GRM5: variants seen among roughly 807,000 people sequenced by gnomAD.
The protein encoded by GRM5 is metabotropic glutamate receptor 5.
In GRM5, 19 loss-of-function variants were observed where a neutral mutation model predicts 83.1. The ratio of observed to expected loss-of-function variants is 0.23; its 90% CI spans 0.16 to 0.34. GRM5 has a LOEUF of 0.34. Ranked by LOEUF, GRM5 falls within the 10% of genes least tolerant of loss-of-function variation. The pLI is 1.00. For synonymous variants in GRM5, 675 were observed against 633.6 expected, an observed-to-expected ratio of 1.07 and a Z score of -0.98; for missense variants, 1,160 against 1,588.3, an observed-to-expected ratio of 0.73 and a Z score of 4.58.
chr11:88,732,151 A>T (rs544216316), intron 3 of GRM5, among the ~76,000 whole-genome samples: 1 of 152,180 alleles, frequency 6.6e-6, no homozygotes, highest in South Asian at 2.1e-4. Context: ...CATAGCACTT[A>T]GCAAACTAAA....
At chr11:88,710,740 TG>T (rs1289403552) in intron 3 of GRM5, among the ~76,000 whole-genome samples, 1 of 151,824 alleles carries the variant, frequency 6.6e-6, no homozygotes. Context: ...GCGTGTTTGT[TG>T]GGGTGAGGGG....
At chr11:88,729,912 A>G (rs1361591342) in intron 3 of GRM5, among the ~76,000 whole-genome samples, 1 of 152,218 alleles carries the variant, frequency 6.6e-6, no homozygotes, top group Non-Finnish European at 1.5e-5. Flanking sequence ...TGTAAGACCT[A>G]AAATCATAAA....
intron 4 of GRM5, among the ~76,000 whole-genome samples, chr11:88,631,327 T>C (rs373599413): frequency 2.0e-5 from 3 of 152,230 alleles, no homozygotes; most frequent in East Asian, 3.8e-4. Flanking sequence ...TTAAATGTTA[T>C]ATTCTAGTAA....
intron 3 of GRM5, among the ~76,000 whole-genome samples, chr11:88,799,483 T>C (rs1038501832): frequency 1.3e-5 from 2 of 152,134 alleles, no homozygotes; most frequent in African/African-American, 4.8e-5. Context: ...CATGGAAATT[T>C]TTGAAGCATA....
Position 88,928,907 on chromosome 11 carries a change from T to TATATATATATACACAC in GRM5, c.662-78753_662-78752insGTGTGTATATATATAT, listed in dbSNP as rs369951090. On this transcript the variant is annotated intron_variant, in intron 2 of 9. Transcript: ENST00000305447. The stretch of plus-strand genomic sequence containing the variant: ...GTTTGTACCTATGTGTATGTGTATA[T>TATATATATATACACAC]ACACACACACACACACACACACACA... 3.6e-3 allele frequency among the ~76,000 whole-genome samples: 498 copies of TATATATATATACACAC among 138,740 alleles called. 10 individuals are homozygous for TATATATATATACACAC. In the East Asian group the frequency reaches 0.042, roughly 12 times the overall value. 91.0% of individuals were successfully genotyped at this position (138,740 alleles called of 152,430 possible).
chr11:88,782,346 G>A (rs1338586222), intron 3 of GRM5, among the ~76,000 whole-genome samples: 1 of 152,070 alleles, frequency 6.6e-6, no homozygotes, highest in Admixed American at 6.6e-5. Context: ...AAGCAAGGAG[G>A]AGCAAGTCAC....
chr11:88,605,942 A>G (rs1257154872), intron 4 of GRM5, among the ~76,000 whole-genome samples: 3 of 152,226 alleles, frequency 2.0e-5, no homozygotes, highest in Non-Finnish European at 2.9e-5. Flanking sequence ...GCAGATGAGC[A>G]TCTATCTAAG....
chr11:89,013,985 AG>A (rs1015179991), intron 2 of GRM5, among the ~76,000 whole-genome samples: 1 of 152,154 alleles, frequency 6.6e-6, no homozygotes, highest in Admixed American at 6.5e-5. Flanking sequence ...TGAATCTTTA[AG>A]GCTTATATTT....
chr11:88,509,284 C>T lies in GRM5; in HGVS notation c.2947G>A (p.Ala983Thr), dbSNP rs777599599. Residue 983 changes from alanine (A) to threonine (T), a missense_variant, in exon 10 of 10, where the codon GCA becomes ACA. By Grantham distance (58) the Ala-to-Thr change is moderately conservative (BLOSUM62 0). This residue lies in a region of GRM5 where 562 missense variants were observed against 532.4 expected (regional missense o/e 1.06). Coordinates refer to ENST00000305447, the MANE Select transcript of GRM5 (RefSeq NM_001143831.3). ...GVGATGGAGC[A>T]GAGPGGPESP... Reference sequence around the variant, plus strand: ...TCGGGCCCGCCTGGGCCGGCGCCTGCGCAGCCCGCACCGCCCGTGGCCCCC... The same window carrying T: ...TCGGGCCCGCCTGGGCCGGCGCCTGTGCAGCCCGCACCGCCCGTGGCCCCC... The T allele has an allele frequency of 1.4e-6, 2 of 1,480,314 alleles. No homozygotes were observed. Among genetic ancestry groups the T allele is most frequent in the South Asian group, 1.3e-5 (1 of 76,916 alleles). 91.7% of individuals were successfully genotyped at this position (1,480,314 alleles called of 1,614,324 possible).
At chr11:88,633,705 AG>A (rs1364080591) in intron 4 of GRM5, among the ~76,000 whole-genome samples, 2 of 152,140 alleles carry the variant, frequency 1.3e-5, no homozygotes, top group African/African-American at 2.4e-5. Context: ...GTAAAGAGGC[AG>A]GGGGTAGTTT....
intron 2 of GRM5, among the ~76,000 whole-genome samples, chr11:88,999,729 C>T (rs915765501): frequency 6.6e-6 from 1 of 152,122 alleles, no homozygotes; most frequent in Non-Finnish European, 1.5e-5. Context: ...CCAGCCATCC[C>T]ATTACTGGGT....
At chr11:88,889,524 G>A (rs1268727875) in intron 2 of GRM5, among the ~76,000 whole-genome samples, 1 of 152,142 alleles carries the variant, frequency 6.6e-6, no homozygotes, top group Non-Finnish European at 1.5e-5. Context: ...GTTACTTTTT[G>A]TAAAGTTCAG....
In GRM5 at chr11:88,509,590, G is replaced by A. The variant is rs947361861; in HGVS notation, c.2727-86C>T. Reference sequence around the variant, plus strand: ...CTTCCCCAATGGTGGTTGCTCATGGGCCCCGGACTGGGGAGGACTTTTCTC... The same window carrying A: ...CTTCCCCAATGGTGGTTGCTCATGGACCCCGGACTGGGGAGGACTTTTCTC... On this transcript the variant is annotated intron_variant, in intron 9 of 9. Coordinates refer to ENST00000305447, the MANE Select transcript of GRM5 (RefSeq NM_001143831.3). The A allele has an allele frequency of 1.3e-5, 12 of 902,248 alleles. No homozygotes were observed. In the African/African-American group the frequency reaches 1.7e-4, roughly 13 times the overall value. The allele number at this position is 902,248 out of a possible 1,614,324, so 55.9% of individuals were successfully genotyped here.
intron 3 of GRM5, among the ~76,000 whole-genome samples, chr11:88,813,759 A>T (rs2135500311): frequency 6.6e-6 from 1 of 152,340 alleles, no homozygotes; most frequent in South Asian, 2.1e-4. Flanking sequence ...TACATATAAC[A>T]TATAAAGATT....
chr11:88,780,336 T>G (rs1363022700), intron 3 of GRM5, among the ~76,000 whole-genome samples: 3 of 152,334 alleles, frequency 2.0e-5, no homozygotes, highest in Middle Eastern at 3.4e-3. Context: ...ATGCAACAAG[T>G]GCTTATTCAT....
chr11:88,972,558 G>T (rs545820168), intron 2 of GRM5, among the ~76,000 whole-genome samples: 2 of 152,228 alleles, frequency 1.3e-5, no homozygotes, highest in Non-Finnish European at 2.9e-5. Flanking sequence ...TGCTGGAATT[G>T]GAAGGGAATT....
intron 2 of GRM5, among the ~76,000 whole-genome samples, chr11:89,030,013 T>C (rs1300482808): frequency 3.9e-5 from 6 of 152,144 alleles, no homozygotes; most frequent in Non-Finnish European, 5.9e-5. Flanking sequence ...CTGGGAGACA[T>C]TGTCTCTCTT....
intron 2 of GRM5, among the ~76,000 whole-genome samples, chr11:88,854,055 GGT>G (rs1218117455): frequency 2.4e-4 from 6 of 25,504 alleles, no homozygotes; most frequent in African/African-American, 9.8e-4. Flanking sequence ...TAAAAAATGT[GGT>G]GTATATATAT....
chr11:88,783,731 T>C (rs1943016048), intron 3 of GRM5, among the ~76,000 whole-genome samples: 1 of 152,036 alleles, frequency 6.6e-6, no homozygotes, highest in African/African-American at 2.4e-5. Context: ...TATGAATGAC[T>C]CAAAAGGGCA....
Sources: gnomAD v4.1 joint callset for allele counts (sites outside exome capture counted in the v4.1 genomes callset) on GRCh38, gnomAD v4.1.1 for gene constraint, gnomAD v4.1.1 regional missense constraint, MANE v1.5 for transcripts, NCBI Gene and HGNC (gene_info 2026-07-23, HGNC 2026-07-21) for gene names.